Variants in BNC2 observed in about 807,000 individuals in gnomAD.
BNC2 encodes the protein zinc finger protein basonuclin-2.
In BNC2, 20 loss-of-function variants were observed where a neutral mutation model predicts 76.3. That is an observed-to-expected ratio of 0.26 (90% confidence interval 0.18 to 0.38). The LOEUF is 0.38. BNC2 is among the 10% of genes least tolerant of loss of function. The pLI is 1.00. For missense variants in BNC2, 1,382 were observed against 1,399.8 expected (o/e 0.99, Z 0.20); for synonymous variants, 582 against 514.8 (o/e 1.13, Z -1.77).
chr9:16,746,479 T>A (rs1825008534), intron 1 of BNC2, among the ~76,000 whole-genome samples: 2 of 152,046 alleles, frequency 1.3e-5, no homozygotes, highest in Non-Finnish European at 2.9e-5. Flanking sequence ...TTCTCGAGCC[T>A]CAGCCTCCAG....
intron 2 of BNC2, 23 bp downstream of exon 2, chr9:16,738,337 G>A: frequency 1.3e-6 from 2 of 1,488,296 alleles, no homozygotes. Context: ...TAACTTAAAG[G>A]GGGAAAAAAA....
chr9:16,526,208 T>C (rs932999257), intron 5 of BNC2, among the ~76,000 whole-genome samples: 2 of 152,090 alleles, frequency 1.3e-5, no homozygotes, highest in African/African-American at 4.8e-5. Flanking sequence ...TACACATATA[T>C]GTATGTATAT....
At chr9:16,692,369 T>A (rs1375178168) in intron 3 of BNC2, among the ~76,000 whole-genome samples, 1 of 152,194 alleles carries the variant, frequency 6.6e-6, no homozygotes, top group Non-Finnish European at 1.5e-5. Flanking sequence ...TGCAATTAGA[T>A]CTCTGTTTAA....
At chr9:16,458,239 G>A (rs961547642) in intron 5 of BNC2, among the ~76,000 whole-genome samples, 8 of 152,168 alleles carry the variant, frequency 5.3e-5, no homozygotes, top group Admixed American at 2.0e-4. Flanking sequence ...ATTTCCTTTA[G>A]AGAGCAGCCA....
At chr9:16,455,019 T>C (rs74343779) in intron 5 of BNC2, among the ~76,000 whole-genome samples, 2,580 of 151,970 alleles carry the variant, frequency 0.017, 32 homozygotes, top group Non-Finnish European at 0.026. Context: ...AAAAACAAGT[T>C]GGAAAGAAAA....
chr9:16,531,047 A>T (rs10962476), intron 5 of BNC2, among the ~76,000 whole-genome samples: 38,075 of 152,192 alleles, frequency 0.25, 6,591 homozygotes, highest in African/African-American at 0.48. Context: ...TTAAAGATAA[A>T]CAAGGATGCC....
chr9:16,607,046 C>T (rs567849810), intron 3 of BNC2, among the ~76,000 whole-genome samples: 92 of 152,198 alleles, frequency 6.0e-4, no homozygotes, highest in African/African-American at 2.0e-3. Flanking sequence ...CTCCTGGGCT[C>T]GGGCGATCTT....
At chr9:16,808,157 G>A (rs975744753) in intron 1 of BNC2, among the ~76,000 whole-genome samples, 2 of 152,058 alleles carry the variant, frequency 1.3e-5, no homozygotes, top group Admixed American at 6.6e-5. Flanking sequence ...AGTGTTAGAC[G>A]TATTTCAATA....
intron 3 of BNC2, among the ~76,000 whole-genome samples, chr9:16,633,757 G>C (rs1179717475): frequency 2.0e-5 from 3 of 151,558 alleles, no homozygotes; most frequent in Admixed American, 1.3e-4. Context: ...GCAAACTAAG[G>C]TATGTTTATT....
chr9:16,518,192 G>A (rs1036216607), intron 5 of BNC2, among the ~76,000 whole-genome samples: 14 of 152,268 alleles, frequency 9.2e-5, no homozygotes, highest in African/African-American at 2.9e-4. Flanking sequence ...ACTTTGGGAG[G>A]CCAAGGCGGG....
At chr9:16,637,521 A>C (rs1162789328) in intron 3 of BNC2, among the ~76,000 whole-genome samples, 1 of 152,232 alleles carries the variant, frequency 6.6e-6, no homozygotes, top group East Asian at 1.9e-4. Flanking sequence ...TGTGATTTAA[A>C]TCACAACAGT....
At chr9:16,515,682 A>T (rs773208219) in intron 5 of BNC2, among the ~76,000 whole-genome samples, 7 of 151,484 alleles carry the variant, frequency 4.6e-5, no homozygotes, top group African/African-American at 9.7e-5. Flanking sequence ...ATGTCTCTGC[A>T]GTGAGTTCAC....
At chr9:16,856,757 A>G (rs2136186539) in intron 1 of BNC2, among the ~76,000 whole-genome samples, 1 of 152,314 alleles carries the variant, frequency 6.6e-6, no homozygotes, top group East Asian at 1.9e-4. Flanking sequence ...GTTTTCTTTT[A>G]AATCACCATT....
chr9:16,502,242 T>C (rs559632087), intron 5 of BNC2, among the ~76,000 whole-genome samples: 9 of 152,196 alleles, frequency 5.9e-5, no homozygotes, highest in African/African-American at 1.9e-4. Flanking sequence ...CACACATCTG[T>C]AGTGCTAGCT....
At chr9:16,437,629 G>C in intron 5 of BNC2, 105 bp from the exon 6 acceptor site, 3 of 1,346,340 alleles carry the variant, frequency 2.2e-6, no homozygotes, top group Non-Finnish European at 3.1e-6. Flanking sequence ...ATAAAACACT[G>C]AGCAAGAGCA....
chr9:16,841,379 A>C (rs140689192), intron 1 of BNC2, among the ~76,000 whole-genome samples: 12 of 152,320 alleles, frequency 7.9e-5, no homozygotes, highest in Admixed American at 7.8e-4. Flanking sequence ...TTCTATACCT[A>C]CACTGCCTAT....
chr9:16,605,452 A>G (rs995241523), intron 3 of BNC2, among the ~76,000 whole-genome samples: 4 of 152,230 alleles, frequency 2.6e-5, no homozygotes, highest in African/African-American at 9.6e-5. Context: ...CACCTTTGCC[A>G]AGGCAGAGCC....
rs115996186 is a variant in BNC2 at position 16,578,787 on chromosome 9, T to C, written c.433+4196A>G. 7.9e-3 allele frequency among the ~76,000 whole-genome samples: 1,200 copies of C among 152,274 alleles called. 16 individuals are homozygous for C. Among genetic ancestry groups the C allele is most frequent in the African/African-American group, 0.027 (1,133 of 41,566 alleles). ...TATTGTTTTTCAAGCCATACTCAGA[T>C]TGTTTTAGGTGAATGAAGGAAACGC... On this transcript the variant is annotated intron_variant, in intron 4 of 6. Coordinates refer to ENST00000380672, the MANE Select transcript of BNC2 (RefSeq NM_017637.6).
At chr9:16,481,369 A>G (rs1822052390) in intron 5 of BNC2, among the ~76,000 whole-genome samples, 1 of 152,020 alleles carries the variant, frequency 6.6e-6, no homozygotes, top group South Asian at 2.1e-4. Flanking sequence ...CCTTGCAATA[A>G]ATCTTGCTAC....
Sources: gnomAD v4.1 joint callset for allele counts (sites outside exome capture counted in the v4.1 genomes callset) on GRCh38, gnomAD v4.1.1 for gene constraint, MANE v1.5 for transcripts, NCBI Gene and HGNC (gene_info 2026-07-23, HGNC 2026-07-21) for gene names.